Variants in BEND5 observed in about 807,000 individuals in gnomAD.
BEND5 encodes the protein BEN domain-containing protein 5.
Under a neutral mutation model 43.9 loss-of-function variants are expected in BEND5, and 22 were observed. The ratio of observed to expected loss-of-function variants is 0.50; its 90% CI spans 0.36 to 0.72. The LOEUF (loss-of-function observed/expected upper bound fraction) is 0.72. Among genes scored for constraint, BEND5 ranks in the 30% least tolerant of loss-of-function variants. The probability of loss-of-function intolerance (pLI) is 0.00; values close to 1 mark genes in which losing one functional copy is unlikely to be tolerated. For synonymous variants in BEND5, 228 were observed against 225.9 expected (o/e 1.01, Z -0.08); for missense variants, 428 against 550.6 (o/e 0.78, Z 2.23).
In BEND5 at chr1:48,773,033, G is replaced by A. The variant is rs112199239; in HGVS notation, c.226+3573C>T. Among the ~76,000 whole-genome samples the A allele has an allele frequency of 2.1e-3, 314 of 152,196 alleles. 5 individuals carry two copies. Among genetic ancestry groups the A allele is most frequent in the African/African-American group, 6.8e-3 (284 of 41,510 alleles). On this transcript the variant is annotated intron_variant, in intron 1 of 5. Transcript: ENST00000371833. ...AAAAGTCAACGCCTGCCACCCCTGG[G>A]TCGTGCTGTCATTTCAATCACAGTA...
intron 4 of BEND5, among the ~76,000 whole-genome samples, chr1:48,738,663 C>T (rs1457534310): frequency 6.6e-6 from 1 of 152,122 alleles, no homozygotes; most frequent in African/African-American, 2.4e-5. Flanking sequence ...AGATGGATGC[C>T]AACTTTACAT....
chr1:48,751,655 C>T (rs928213071), intron 3 of BEND5, among the ~76,000 whole-genome samples: 2 of 152,286 alleles, frequency 1.3e-5, no homozygotes, highest in African/African-American at 4.8e-5. Flanking sequence ...CCAAAAAAAA[C>T]ATAAGCTTGT....
intron 1 of BEND5, among the ~76,000 whole-genome samples, chr1:48,774,375 G>A (rs904037934): frequency 1.5e-4 from 23 of 152,242 alleles, no homozygotes; most frequent in Non-Finnish European, 2.6e-4. Flanking sequence ...ATGAATTCCC[G>A]AACTCACCCT....
At chr1:48,734,587 T>A (rs1648713523) in intron 5 of BEND5, among the ~76,000 whole-genome samples, 1 of 152,170 alleles carries the variant, frequency 6.6e-6, no homozygotes, top group African/African-American at 2.4e-5. Context: ...TCCTTCTACA[T>A]CCCAGCCATC....
intron 1 of BEND5, among the ~76,000 whole-genome samples, chr1:48,764,400 T>C (rs1001462329): frequency 2.6e-5 from 4 of 152,150 alleles, no homozygotes; most frequent in Admixed American, 6.5e-5. Context: ...ACTTCAACAG[T>C]TGGTGCTCAT....
rs1647395547 is a variant in BEND5, at chr1:48,727,747, C to T, written c.*139G>A. The T allele has an allele frequency of 2.7e-6, 2 of 728,086 alleles. No homozygotes were observed. Among genetic ancestry groups the T allele is most frequent in the Non-Finnish European group, 4.3e-6 (2 of 463,984 alleles). 45.1% of individuals were successfully genotyped at this position (728,086 alleles called of 1,614,324 possible). A position where few individuals can be genotyped will look rare whatever the true frequency, so the allele number is the denominator to read the frequency against. The stretch of plus-strand genomic sequence containing the variant: ...GTCTTTGGAGTGTCCACATTCAGAA[C>T]AAGCCGCTGACCCCAGAACCCGATG... On this transcript the variant is annotated 3_prime_UTR_variant, in exon 6 of 6. Transcript: ENST00000371833.
intron 1 of BEND5, among the ~76,000 whole-genome samples, chr1:48,762,656 G>GTA (rs60322867): frequency 0.085 from 11,703 of 138,386 alleles, 478 homozygotes; most frequent in Admixed American, 0.14. Context: ...GTGTGTGTGT[G>GTA]TGTATGTATT....
chr1:48,740,850 C>T (rs1405544453), intron 4 of BEND5, among the ~76,000 whole-genome samples: 2 of 152,170 alleles, frequency 1.3e-5, no homozygotes, highest in Admixed American at 6.5e-5. Flanking sequence ...ATTTCCAGTG[C>T]GTCCACTTCC....
At chr1:48,765,482 G>A (rs745744583) in intron 1 of BEND5, among the ~76,000 whole-genome samples, 2 of 152,176 alleles carry the variant, frequency 1.3e-5, no homozygotes, top group Non-Finnish European at 2.9e-5. Context: ...TGTAGAATGG[G>A]CAGCCATAGT....
At chr1:48,734,213 G>C (rs535847600) in intron 5 of BEND5, among the ~76,000 whole-genome samples, 44 of 152,344 alleles carry the variant, frequency 2.9e-4, no homozygotes, top group African/African-American at 8.4e-4. Flanking sequence ...AGGCAAGGGA[G>C]GCAGCTATGT....
intron 2 of BEND5, among the ~76,000 whole-genome samples, chr1:48,759,625 T>G (rs72681063): frequency 0.022 from 3,416 of 152,260 alleles, 65 homozygotes; most frequent in Non-Finnish European, 0.037. Context: ...CCACCCACAA[T>G]GCCTAGGCAG....
chr1:48,754,822 G>T (rs905578930), intron 3 of BEND5, among the ~76,000 whole-genome samples: 16 of 152,226 alleles, frequency 1.1e-4, no homozygotes, highest in African/African-American at 3.4e-4. Context: ...ACACCCCCAT[G>T]TTGGGAAAAA....
chr1:48,759,226 G>A lies in BEND5; in HGVS notation c.419C>T (p.Ala140Val). Reference sequence around the variant, plus strand: ...CAGGCCGTTCTGCTTCTCTAGCCGAGCCACCACTGCCTCGATGCTCTTGTG... The same window carrying A: ...CAGGCCGTTCTGCTTCTCTAGCCGAACCACCACTGCCTCGATGCTCTTGTG... ...VAHKSIEAVVARLEKQNGLSL... is the reference protein window; with the variant it reads ...VAHKSIEAVVVRLEKQNGLSL... Residue 140 changes from alanine to valine, a missense_variant, in exon 3 of 6, where the codon GCT becomes GTT. Ala to Val is a moderately conservative substitution (Grantham distance 64, BLOSUM62 0). Around this residue, in one of 4 missense-constraint regions of BEND5, gnomAD observed 243 missense variants for 286.4 expected, o/e 0.85. Transcript: ENST00000371833. 1 of 1,601,382 alleles carries A rather than the reference G, an allele frequency of 6.2e-7. No individual in the cohort carries two copies. Among genetic ancestry groups the A allele is most frequent in the Non-Finnish European group, 8.5e-7 (1 of 1,173,772 alleles).
intron 1 of BEND5, among the ~76,000 whole-genome samples, chr1:48,775,462 A>C: frequency 6.6e-6 from 1 of 152,210 alleles, no homozygotes; most frequent in East Asian, 1.9e-4. Context: ...TCAAAATTAC[A>C]AAACATCTTC....
chr1:48,762,699 C>T (rs1014998689), intron 1 of BEND5, among the ~76,000 whole-genome samples: 1 of 150,920 alleles, frequency 6.6e-6, no homozygotes, highest in Non-Finnish European at 1.5e-5. Context: ...ACACTGTTCC[C>T]AGGCCAGGCT....
intron 5 of BEND5, among the ~76,000 whole-genome samples, chr1:48,732,228 GAAGA>G (rs1410688645): frequency 6.6e-6 from 1 of 152,050 alleles, no homozygotes; most frequent in Non-Finnish European, 1.5e-5. Context: ...AGAAGGAGAG[GAAGA>G]AAGAGAGAGA....
Position 48,727,904 on chromosome 1 carries a change from T to C in BEND5, c.1248A>G (p.Ala416=). The C allele has an allele frequency of 6.2e-7, 1 of 1,604,834 alleles. No homozygotes were observed. Among genetic ancestry groups the C allele is most frequent in the Non-Finnish European group, 8.5e-7 (1 of 1,174,364 alleles). Residue 416 remains alanine (A), a synonymous_variant, in exon 6 of 6, where the codon GCA becomes GCG. Coordinates refer to ENST00000371833, the MANE Select transcript of BEND5 (RefSeq NM_024603.4). ...CCAAAGTTTATTGCAAATTGTATTT[T>C]GCTTCCCTTCGTTCTTCATTTTTAC... ...KSCKNEERRE[A]KYNLQ
intron 1 of BEND5, among the ~76,000 whole-genome samples, chr1:48,773,713 G>A (rs1644944958): frequency 6.6e-6 from 1 of 152,200 alleles, no homozygotes; most frequent in Non-Finnish European, 1.5e-5. Context: ...TGGGGGCCTG[G>A]CACTGGAAGA....
intron 3 of BEND5, among the ~76,000 whole-genome samples, chr1:48,743,421 AT>A (rs1650244440): frequency 6.6e-6 from 1 of 152,166 alleles, no homozygotes; most frequent in Non-Finnish European, 1.5e-5. Flanking sequence ...TAAAGGGGTT[AT>A]TTTTTCTCCA....
Sources: allele counts gnomAD v4.1 joint callset (sites outside exome capture counted in the v4.1 genomes callset), GRCh38; gene constraint gnomAD v4.1.1; regional missense constraint gnomAD v4.1.1; transcripts MANE v1.5; gene names NCBI Gene and HGNC (gene_info 2026-07-23, HGNC 2026-07-21).